The following PAQR5 variants were observed in gnomAD, a reference collection of about 807,000 sequenced individuals.
The protein encoded by PAQR5 is membrane progestin receptor gamma.
Under a neutral mutation model 34.5 loss-of-function variants are expected in PAQR5, and 20 were observed. The observed-to-expected ratio is 0.58, with a 90% CI of 0.41 to 0.84. PAQR5 has a LOEUF of 0.84. Ranked by LOEUF, PAQR5 falls within the 40% of genes least tolerant of loss-of-function variation. The probability of loss-of-function intolerance (pLI) is 0.00; values close to 1 mark genes in which losing one functional copy is unlikely to be tolerated. For synonymous variants in PAQR5, 131 were observed against 155.6 expected (o/e 0.84, Z 1.18); for missense variants, 378 against 412.7 (o/e 0.92, Z 0.73).
chr15:69,356,452 T>C (rs1260537437), intron 2 of PAQR5, among the ~76,000 whole-genome samples: 1 of 152,240 alleles, frequency 6.6e-6, no homozygotes, highest in African/African-American at 2.4e-5. Flanking sequence ...TTCTATAATT[T>C]TGAAATTGTA....
intron 6 of PAQR5, among the ~76,000 whole-genome samples, chr15:69,395,452 C>T (rs998667259): frequency 6.6e-6 from 1 of 152,200 alleles, no homozygotes; most frequent in African/African-American, 2.4e-5. Context: ...AACATAGATA[C>T]AAGGTGGGGA....
intron 1 of PAQR5, among the ~76,000 whole-genome samples, chr15:69,299,598 G>T (rs1322404153): frequency 2.0e-5 from 3 of 152,176 alleles, no homozygotes; most frequent in African/African-American, 7.2e-5. Flanking sequence ...GCTACAGGGA[G>T]TTCCCCCTGC....
At chr15:69,392,050 A>T (rs11634798) in intron 6 of PAQR5, 251,746 of 287,142 alleles carry the variant, frequency 0.88, 114,406 homozygotes, top group Non-Finnish European at 0.97. Flanking sequence ...GAGCCAAGAA[A>T]AAAAAGAAAT....
intron 4 of PAQR5, among the ~76,000 whole-genome samples, chr15:69,380,666 C>T (rs551450240): frequency 6.6e-6 from 1 of 152,282 alleles, no homozygotes; most frequent in South Asian, 2.1e-4. Context: ...GCCAATGTCA[C>T]ACACTGCACA....
intron 3 of PAQR5, among the ~76,000 whole-genome samples, chr15:69,362,826 G>T (rs1333299359): frequency 1.3e-5 from 2 of 152,126 alleles, no homozygotes; most frequent in African/African-American, 4.8e-5. Flanking sequence ...TCGAACCCCG[G>T]CTCCCTCGCC....
Position 69,346,740 on chromosome 15 carries a change from G to A in PAQR5, c.-116+9239G>A, listed in dbSNP as rs2054784285. Among the ~76,000 whole-genome samples the A allele has an allele frequency of 1.3e-5, 2 of 151,594 alleles. 1 individual carries two copies. Among genetic ancestry groups the A allele is most frequent in the African/African-American group, 4.9e-5 (2 of 41,222 alleles). ...AGGTTCAAGCAATTCTCCTGCCTCAGCCTCCTGAGTAGCTGGGACTGCAGG... is the reference window on the plus strand; with the variant it reads ...AGGTTCAAGCAATTCTCCTGCCTCAACCTCCTGAGTAGCTGGGACTGCAGG... On this transcript the variant is annotated intron_variant, in intron 2 of 8. Coordinates refer to ENST00000395407, the MANE Select transcript of PAQR5 (RefSeq NM_017705.4).
At chr15:69,383,695 G>GC (rs2056003818) in intron 4 of PAQR5, among the ~76,000 whole-genome samples, 1 of 86,938 alleles carries the variant, frequency 1.2e-5, no homozygotes, top group Admixed American at 1.1e-4. Context: ...GGGTGAGTGG[G>GC]CCTCTGTGCT....
Position 69,323,343 on chromosome 15 carries a change from T to G in PAQR5, c.-276-13998T>G, listed in dbSNP as rs115143144. ...CAGCCTCCACCTTCACCTATGGTGG[T>G]GAGGGAGGGATCCCCCTCTTTATGC... On this transcript the variant is annotated intron_variant, in intron 1 of 8. Transcript: ENST00000395407. Among the ~76,000 whole-genome samples the G allele has an allele frequency of 6.6e-3, 1,011 of 152,340 alleles. 18 individuals carry two copies. The highest frequency in any genetic ancestry group is 0.023 in the African/African-American group (963 of 41,588).
intron 2 of PAQR5, among the ~76,000 whole-genome samples, chr15:69,344,276 C>G (rs2054711953): frequency 6.6e-6 from 1 of 152,342 alleles, no homozygotes; most frequent in Middle Eastern, 3.4e-3. Context: ...AAGTGTTTAT[C>G]TGGGCTCATT....
chr15:69,358,908 A>G (rs1305464829), intron 2 of PAQR5, among the ~76,000 whole-genome samples: 1 of 151,974 alleles, frequency 6.6e-6, no homozygotes, highest in African/African-American at 2.4e-5. Context: ...GAGCCACCAC[A>G]CCTGGCCTTA....
At chr15:69,394,007 C>T (rs916979435) in intron 6 of PAQR5, among the ~76,000 whole-genome samples, 4 of 152,162 alleles carry the variant, frequency 2.6e-5, no homozygotes, top group Non-Finnish European at 5.9e-5. Flanking sequence ...GCACAGGAAA[C>T]GGCTGCCACT....
chr15:69,316,444 G>A (rs1049229978), intron 1 of PAQR5, among the ~76,000 whole-genome samples: 1 of 152,164 alleles, frequency 6.6e-6, no homozygotes, highest in African/African-American at 2.4e-5. Flanking sequence ...GCTTAATAAT[G>A]CTACAATAAT....
rs575750513 is a variant in PAQR5, at chr15:69,325,487, T to C, written c.-276-11854T>C. ...GTTAGTGCAGATCTACACTAGAATGTGAGCTCTTAAGGGATAGAACTGTTG... is the reference window on the plus strand; with the variant it reads ...GTTAGTGCAGATCTACACTAGAATGCGAGCTCTTAAGGGATAGAACTGTTG... On this transcript the variant is annotated intron_variant, in intron 1 of 8. Transcript: ENST00000395407. 2.4e-4 allele frequency among the ~76,000 whole-genome samples: 37 copies of C among 152,334 alleles called. No individual in the cohort carries two copies. The South Asian group carries it at 6.8e-3, about 28-fold the overall frequency.
At chr15:69,349,700 C>G (rs12101862) in intron 2 of PAQR5, among the ~76,000 whole-genome samples, 12,001 of 150,926 alleles carry the variant, frequency 0.08, 1,122 homozygotes, top group African/African-American at 0.22. Flanking sequence ...GGAGTGCAAT[C>G]GCATGGTCTC....
Position 69,389,794 on chromosome 15 carries a change from T to G in PAQR5, c.512+14T>G, listed in dbSNP as rs2056207057. ...CTGCTACTCCAGGTACTGGTCGCTC[T>G]GACCTCAGATGGGAGGGGAGGGAGG... On this transcript the variant is annotated intron_variant, in intron 6 of 8. Coordinates refer to ENST00000395407, the MANE Select transcript of PAQR5 (RefSeq NM_017705.4). The G allele has an allele frequency of 3.1e-6, 5 of 1,613,452 alleles. No individual in the cohort carries two copies. The East Asian group carries it at 1.1e-4, about 36-fold the overall frequency.
At chr15:69,387,967 G>A (rs902833504) in intron 5 of PAQR5, among the ~76,000 whole-genome samples, 8 of 151,918 alleles carry the variant, frequency 5.3e-5, no homozygotes, top group Non-Finnish European at 1.2e-4. Context: ...CACCTCCATT[G>A]CTGAGAACAA....
intron 1 of PAQR5, among the ~76,000 whole-genome samples, chr15:69,306,662 C>T (rs1350558046): frequency 2.0e-5 from 3 of 152,104 alleles, no homozygotes; most frequent in African/African-American, 7.2e-5. Context: ...CTCGGCCTCC[C>T]AAAGTGCTGG....
intron 3 of PAQR5, among the ~76,000 whole-genome samples, chr15:69,362,473 A>C (rs1000819099): frequency 2.0e-5 from 3 of 152,232 alleles, no homozygotes; most frequent in African/African-American, 7.2e-5. Context: ...GGTATTAAAA[A>C]TGGAATGCAC....
intron 1 of PAQR5, among the ~76,000 whole-genome samples, chr15:69,304,081 TA>T (rs2080335822): frequency 6.6e-6 from 1 of 152,202 alleles, no homozygotes; most frequent in African/African-American, 2.4e-5. Context: ...GGAGCAGTGA[TA>T]ATGCTTTGCC....
Sources: gnomAD v4.1 joint callset for allele counts (sites outside exome capture counted in the v4.1 genomes callset) on GRCh38, gnomAD v4.1.1 for gene constraint, MANE v1.5 for transcripts, NCBI Gene and HGNC (gene_info 2026-07-23, HGNC 2026-07-21) for gene names.